The following CPXM2 variants were observed in gnomAD, a reference collection of about 807,000 sequenced individuals.
CPXM2 encodes the protein carboxypeptidase X, M14 family member 2, also known as inactive carboxypeptidase-like protein X2.
In CPXM2, 66 loss-of-function variants were observed where a neutral mutation model predicts 86.1. The ratio of observed to expected loss-of-function variants is 0.77; its 90% CI spans 0.63 to 0.94. The LOEUF (loss-of-function observed/expected upper bound fraction) is 0.94. Among genes scored for constraint, CPXM2 ranks in the 40% least tolerant of loss-of-function variants. The probability of loss-of-function intolerance (pLI) is 0.00; values close to 1 mark genes in which losing one functional copy is unlikely to be tolerated. For missense variants in CPXM2, 948 were observed against 1,026.3 expected (o/e 0.92, Z 1.04); for synonymous variants, 388 against 400.2 (o/e 0.97, Z 0.36).
At chr10:123,894,975 C>T (rs1945323476), upstream of CPXM2, among the ~76,000 whole-genome samples, 1 of 152,116 alleles carries the variant, frequency 6.6e-6, no homozygotes, top group Non-Finnish European at 1.5e-5. Context: ...GCTCCCCGAC[C>T]GAAGAATCTG....
intron 8 of CPXM2, among the ~76,000 whole-genome samples, chr10:123,770,498 G>A (rs1846602610): frequency 6.6e-6 from 1 of 152,188 alleles, no homozygotes; most frequent in Non-Finnish European, 1.5e-5. Context: ...GGAAATGTCT[G>A]AAAACAGGAA....
chr10:123,899,046 G>A (rs191454147), intron 2 of CPXM2, among the ~76,000 whole-genome samples: 9 of 152,222 alleles, frequency 5.9e-5, no homozygotes, highest in Non-Finnish European at 1.0e-4. Flanking sequence ...CACCGCACCC[G>A]GCCTGAAAGT....
intron 3 of CPXM2, among the ~76,000 whole-genome samples, chr10:123,848,657 A>G (rs1186828947): frequency 6.6e-6 from 1 of 152,230 alleles, no homozygotes; most frequent in African/African-American, 2.4e-5. Flanking sequence ...TTAACATTGT[A>G]TATCTATGGA....
At chr10:123,780,545 T>C (rs899160436) in intron 6 of CPXM2, among the ~76,000 whole-genome samples, 3 of 152,212 alleles carry the variant, frequency 2.0e-5, no homozygotes, top group Admixed American at 2.0e-4. Flanking sequence ...CTTGGTTTTT[T>C]ACCCATAAAC....
Position 123,754,804 on chromosome 10 carries a change from G to T in CPXM2, c.1918-42C>A. 1 of 1,136,276 alleles carries T rather than the reference G, an allele frequency of 8.8e-7. No homozygotes were observed. The highest frequency in any genetic ancestry group is 1.3e-6 in the Non-Finnish European group (1 of 744,194). The allele number at this position is 1,136,276 out of a possible 1,614,324, so 70.4% of individuals were successfully genotyped here. ...AGACACAGGGTGAGGTCACCGACCAGCTCTGGACACAACCGGCACAACAGA... is the reference window on the plus strand; with the variant it reads ...AGACACAGGGTGAGGTCACCGACCATCTCTGGACACAACCGGCACAACAGA... On this transcript the variant is annotated intron_variant, in intron 12 of 13. Transcript: ENST00000241305. The surrounding 1 kb of genome is among the most constrained non-coding windows in gnomAD (Gnocchi z 4.0).
intron 2 of CPXM2, among the ~76,000 whole-genome samples, chr10:123,929,026 G>C (rs913615037): frequency 6.6e-6 from 1 of 152,192 alleles, no homozygotes; most frequent in African/African-American, 2.4e-5. Flanking sequence ...GCCTATAGCT[G>C]GTACCTCTCC....
chr10:123,786,930 C>A (rs570421228), intron 6 of CPXM2, among the ~76,000 whole-genome samples: 1 of 152,308 alleles, frequency 6.6e-6, no homozygotes, highest in South Asian at 2.1e-4. Context: ...AACCTGCCCC[C>A]CTTCTTGTAA....
intron 2 of CPXM2, 99 bp from the exon 3 acceptor site, chr10:123,862,822 G>A (rs1590078213): frequency 1.0e-6 from 1 of 966,252 alleles, no homozygotes; most frequent in Non-Finnish European, 1.6e-6. Flanking sequence ...ATTTTCCCCT[G>A]AACTCCCACC....
In CPXM2 at chr10:123,754,617, AT is replaced by A. The variant is rs768899275; in HGVS notation, c.2017+45del. The A allele has an allele frequency of 1.4e-5, 14 of 1,017,670 alleles. No homozygotes were observed. Among genetic ancestry groups the A allele is most frequent in the East Asian group, 2.4e-5 (1 of 41,776 alleles). The allele number at this position is 1,017,670 out of a possible 1,614,324, so 63.0% of individuals were successfully genotyped here. Reference sequence around the variant, plus strand: ...TAACCCAAGTAAAATGCCTAAAAAAATGGGTATTTCTTACCAAGAGACAGTC... The same window carrying A: ...TAACCCAAGTAAAATGCCTAAAAAAAGGGTATTTCTTACCAAGAGACAGTC... On this transcript the variant is annotated intron_variant, in intron 13 of 13. Transcript: ENST00000241305. The surrounding 1 kb of genome is among the most constrained non-coding windows in gnomAD (Gnocchi z 4.0).
At chr10:123,926,453 G>A (rs1053026820) in intron 2 of CPXM2, among the ~76,000 whole-genome samples, 17 of 152,122 alleles carry the variant, frequency 1.1e-4, no homozygotes, top group African/African-American at 3.6e-4. Flanking sequence ...AACTGAACTC[G>A]CCTGACAAAT....
intron 2 of CPXM2, among the ~76,000 whole-genome samples, chr10:123,875,799 T>TTTTC (rs201178259): frequency 0.011 from 1,301 of 119,344 alleles, 55 homozygotes; most frequent in Middle Eastern, 0.034. Flanking sequence ...TGTTTCTTTC[T>TTTTC]TTTCTTTCTT....
intron 4 of CPXM2, among the ~76,000 whole-genome samples, chr10:123,840,893 G>A (rs574190380): frequency 6.6e-6 from 1 of 152,186 alleles, no homozygotes; most frequent in Admixed American, 6.5e-5. Context: ...TATTAATGTC[G>A]ACCTTCCAGA....
chr10:123,766,895 G>A lies in CPXM2; in HGVS notation c.1479+78C>T, dbSNP rs972406275. 5.1e-6 allele frequency: 6 copies of A among 1,169,992 alleles called. No individual in the cohort carries two copies. The African/African-American group carries it at 7.6e-5, about 15-fold the overall frequency. The allele number at this position is 1,169,992 out of a possible 1,614,324, so 72.5% of individuals were successfully genotyped here. On this transcript the variant is annotated intron_variant, in intron 10 of 13. Transcript: ENST00000241305. ...AAACAGTTTTGTCTCTTTCTTAAATGTGCTATCCTCTGCAAATACCAATGG... is the reference window on the plus strand; with the variant it reads ...AAACAGTTTTGTCTCTTTCTTAAATATGCTATCCTCTGCAAATACCAATGG...
At chr10:123,838,585 A>T (rs185004851) in intron 4 of CPXM2, among the ~76,000 whole-genome samples, 8 of 152,322 alleles carry the variant, frequency 5.3e-5, no homozygotes, top group South Asian at 2.1e-4. Context: ...AACCACTCTG[A>T]ACAGCAACAT....
intron 4 of CPXM2, among the ~76,000 whole-genome samples, chr10:123,799,627 G>T (rs184101575): frequency 6.6e-6 from 1 of 152,258 alleles, no homozygotes; most frequent in Admixed American, 6.5e-5. Context: ...AAACATTTTG[G>T]TTAGGAAGCT....
At chr10:123,866,581 T>G (rs572496543) in intron 2 of CPXM2, among the ~76,000 whole-genome samples, 57 of 150,264 alleles carry the variant, frequency 3.8e-4, no homozygotes, top group Admixed American at 3.0e-3. Flanking sequence ...AAAAAAAAAG[T>G]TTAAACTCAG....
intron 4 of CPXM2, among the ~76,000 whole-genome samples, chr10:123,813,801 C>T (rs1458449999): frequency 1.3e-5 from 2 of 152,174 alleles, no homozygotes; most frequent in African/African-American, 4.8e-5. Context: ...TCATAATCTG[C>T]GTTAATTATG....
chr10:123,786,819 C>T (rs910707598), intron 6 of CPXM2, among the ~76,000 whole-genome samples: 12 of 152,180 alleles, frequency 7.9e-5, no homozygotes, highest in African/African-American at 2.9e-4. Flanking sequence ...GACGTCGCCT[C>T]CTCTATTCCC....
At chr10:123,842,553 T>A in intron 3 of CPXM2, 65 bp from the exon 4 acceptor site, 1 of 1,528,030 alleles carries the variant, frequency 6.5e-7, no homozygotes. Context: ...AGACATATCT[T>A]TTCCTGAGGC....
Sources: gnomAD v4.1 joint callset for allele counts (sites outside exome capture counted in the v4.1 genomes callset) on GRCh38, gnomAD v4.1.1 for gene constraint, Gnocchi (gnomAD v3.1) non-coding constraint, MANE v1.5 for transcripts, NCBI Gene and HGNC (gene_info 2026-07-23, HGNC 2026-07-21) for gene names.